IMMP2L: variants seen among roughly 807,000 people sequenced by gnomAD.
IMMP2L encodes mitochondrial inner membrane protease subunit 2.
IMMP2L carries 18 observed loss-of-function variants against 19.3 expected under a neutral mutation model. The observed-to-expected ratio is 0.93, with a 90% CI of 0.64 to 1.38. IMMP2L has a LOEUF of 1.38. IMMP2L is among the 40% of genes most tolerant of loss of function. IMMP2L has a pLI of 0.00. For synonymous variants in IMMP2L, 76 were observed against 73.0 expected, an observed-to-expected ratio of 1.04 and a Z score of -0.21; for missense variants, 233 against 218.2, an observed-to-expected ratio of 1.07 and a Z score of -0.43.
chr7:111,471,220 G>C (rs1280539629), intron 3 of IMMP2L, among the ~76,000 whole-genome samples: 1 of 152,018 alleles, frequency 6.6e-6, no homozygotes, highest in Non-Finnish European at 1.5e-5. Flanking sequence ...TCTCTTTCCA[G>C]ATGTTTGGAA....
intron 4 of IMMP2L, among the ~76,000 whole-genome samples, chr7:110,888,819 C>A (rs950762525): frequency 1.3e-5 from 2 of 151,886 alleles, no homozygotes; most frequent in African/African-American, 4.8e-5. Flanking sequence ...TTTTTATGTC[C>A]CTCCACTAGA....
intron 3 of IMMP2L, among the ~76,000 whole-genome samples, chr7:111,112,125 T>A (rs546836170): frequency 1.3e-5 from 2 of 151,752 alleles, no homozygotes; most frequent in Admixed American, 1.3e-4. Context: ...TTTTTGTATT[T>A]TTAGTAGAGA....
intron 3 of IMMP2L, chr7:111,122,517 T>A: frequency 4.5e-6 from 2 of 449,242 alleles, no homozygotes; most frequent in Non-Finnish European, 7.9e-6. Flanking sequence ...CTATACATAC[T>A]CCACCTTCAA....
intron 3 of IMMP2L, among the ~76,000 whole-genome samples, chr7:111,437,528 C>T (rs1837299849): frequency 6.6e-6 from 1 of 151,950 alleles, no homozygotes; most frequent in African/African-American, 2.4e-5. Flanking sequence ...GTCAGACTAT[C>T]TTTAGCAACA....
At chr7:110,839,633 T>C (rs919143692) in intron 5 of IMMP2L, among the ~76,000 whole-genome samples, 1 of 152,092 alleles carries the variant, frequency 6.6e-6, no homozygotes, top group Non-Finnish European at 1.5e-5. Flanking sequence ...TGCACATATA[T>C]TTTAATTAAT....
chr7:111,476,891 C>A (rs1313117791), intron 3 of IMMP2L, among the ~76,000 whole-genome samples: 1 of 152,152 alleles, frequency 6.6e-6, no homozygotes, highest in Non-Finnish European at 1.5e-5. Flanking sequence ...ACTGGACCTA[C>A]ATGGATAATC....
At chr7:110,785,613 T>C (rs1387130997) in intron 5 of IMMP2L, among the ~76,000 whole-genome samples, 2 of 151,978 alleles carry the variant, frequency 1.3e-5, no homozygotes, top group African/African-American at 4.8e-5. Context: ...AGAATCAGTC[T>C]TTCCATCCTC....
chr7:110,861,148 A>G, intron 5 of IMMP2L, among the ~76,000 whole-genome samples: 1 of 150,138 alleles, frequency 6.7e-6, no homozygotes, highest in South Asian at 2.1e-4. Context: ...AGAGAGACAG[A>G]GACAGAGAGA....
chr7:111,345,404 T>C (rs763532500), intron 3 of IMMP2L, among the ~76,000 whole-genome samples: 13 of 152,126 alleles, frequency 8.5e-5, no homozygotes, highest in Middle Eastern at 3.2e-3. Flanking sequence ...GTTGCACACA[T>C]TGGACTGTCT....
At position 111,127,495 on chromosome 7, in the gene IMMP2L, C is replaced by T. The variant is rs376222558; in HGVS notation, c.240-163930G>A. 4.5e-4 allele frequency among the ~76,000 whole-genome samples: 68 copies of T among 152,138 alleles called. 1 individual carries two copies. Among genetic ancestry groups the T allele is most frequent in the East Asian group, 4.2e-3 (22 of 5,178 alleles). On this transcript the variant is annotated intron_variant, in intron 3 of 5. Transcript: ENST00000405709. ...TTAAAATGAAGTATTTCTGTTACAA[C>T]CAAAAATATACAGATGCTCAAGGCA...
At chr7:111,219,268 A>C (rs1217707267) in intron 3 of IMMP2L, among the ~76,000 whole-genome samples, 1 of 152,020 alleles carries the variant, frequency 6.6e-6, no homozygotes, top group African/African-American at 2.4e-5. Context: ...CAGTAAAGTC[A>C]TAACTTTTTT....
chr7:110,704,012 A>AT (rs929820568), intron 5 of IMMP2L, among the ~76,000 whole-genome samples: 9 of 151,458 alleles, frequency 5.9e-5, no homozygotes, highest in East Asian at 1.9e-4. Context: ...CACCCGGCTA[A>AT]TTTTTTTTGT....
chr7:110,681,375 A>C (rs1371983530), intron 5 of IMMP2L, among the ~76,000 whole-genome samples: 1 of 152,140 alleles, frequency 6.6e-6, no homozygotes, highest in Non-Finnish European at 1.5e-5. Context: ...CCCTAGGGAA[A>C]AGTGAGGTCT....
chr7:111,390,403 T>C (rs1832230026), intron 3 of IMMP2L, among the ~76,000 whole-genome samples: 1 of 152,190 alleles, frequency 6.6e-6, no homozygotes, highest in Non-Finnish European at 1.5e-5. Context: ...CAATGTCTGC[T>C]TCTAGGGAAC....
chr7:111,352,484 T>C (rs964477568), intron 3 of IMMP2L, among the ~76,000 whole-genome samples: 1 of 151,600 alleles, frequency 6.6e-6, no homozygotes, highest in African/African-American at 2.4e-5. Context: ...ACTGAGATTA[T>C]AGGCATGAGC....
intron 1 of IMMP2L, among the ~76,000 whole-genome samples, chr7:111,559,991 A>G (rs879423786): frequency 1.3e-5 from 2 of 149,926 alleles, no homozygotes; most frequent in Non-Finnish European, 2.9e-5. Flanking sequence ...TTACAATTTT[A>G]TCAAATAACA....
At chr7:110,706,297 T>A (rs1794675384) in intron 5 of IMMP2L, among the ~76,000 whole-genome samples, 1 of 152,038 alleles carries the variant, frequency 6.6e-6, no homozygotes, top group Non-Finnish European at 1.5e-5. Flanking sequence ...AGAGATGAGG[T>A]CTAGCCATCT....
intron 3 of IMMP2L, among the ~76,000 whole-genome samples, chr7:110,969,985 C>A (rs17158197): frequency 6.6e-6 from 1 of 152,022 alleles, no homozygotes; most frequent in Non-Finnish European, 1.5e-5. Context: ...CTTTAAAGAA[C>A]TGAACTGTTG....
At chr7:111,460,528 A>G (rs1451641791) in intron 3 of IMMP2L, among the ~76,000 whole-genome samples, 2 of 152,108 alleles carry the variant, frequency 1.3e-5, no homozygotes, top group Non-Finnish European at 2.9e-5. Flanking sequence ...TTTTTAATAA[A>G]TGTTTTCCTT....
Sources: allele counts gnomAD v4.1 joint callset (sites outside exome capture counted in the v4.1 genomes callset), GRCh38; gene constraint gnomAD v4.1.1; transcripts MANE v1.5; gene names NCBI Gene and HGNC (gene_info 2026-07-23, HGNC 2026-07-21).